Variants in ZNF469 observed in about 807,000 individuals in gnomAD.
The protein encoded by ZNF469 is zinc finger protein 469.
In ZNF469, 1 loss-of-function variant was observed where a neutral mutation model predicts 1.0. The observed-to-expected ratio is 1.00, with a 90% CI of 0.35 to 4.73. The LOEUF is 4.73. ZNF469 is among the 30% of genes most tolerant of loss of function. The pLI is 0.16. For missense variants in ZNF469, 6,100 were observed against 5,356.3 expected (o/e 1.14, Z -4.33); for synonymous variants, 2,703 against 2,363.4 (o/e 1.14, Z -4.17).
chr16:88,355,052 G>C, the ZNF469 span, among the ~76,000 whole-genome samples: 3 of 152,144 alleles, frequency 2.0e-5, no homozygotes, highest in Admixed American at 6.5e-5. Context: ...GTGGGCTCGC[G>C]GCCCTGTCTC....
At chr16:88,386,110 G>A (rs966851395) in intron 1 of ZNF469, among the ~76,000 whole-genome samples, 8 of 152,042 alleles carry the variant, frequency 5.3e-5, no homozygotes, top group African/African-American at 1.2e-4. Flanking sequence ...TCTTCCCAGC[G>A]CCCTCCCCAT....
chr16:88,372,911 A>G, the ZNF469 span, among the ~76,000 whole-genome samples: 1 of 151,624 alleles, frequency 6.6e-6, no homozygotes, highest in Non-Finnish European at 1.5e-5. Context: ...CATTACCAAC[A>G]TCATCATGAT....
the ZNF469 span, among the ~76,000 whole-genome samples, chr16:88,226,940 A>G: frequency 0.63 from 58,637 of 92,706 alleles, 20,007 homozygotes; most frequent in Middle Eastern, 0.84. Flanking sequence ...GGATTCCCAA[A>G]AAATGCCCTG....
the ZNF469 span, among the ~76,000 whole-genome samples, chr16:88,143,239 CT>C: frequency 9.8e-5 from 15 of 152,370 alleles, no homozygotes; most frequent in East Asian, 2.5e-3. Flanking sequence ...CAGTTTCCCC[CT>C]GTGTCAATGG....
chr16:88,429,781 C>G lies in ZNF469; in HGVS notation c.2311C>G (p.Pro771Ala). The G allele has an allele frequency of 6.5e-7, 1 of 1,544,620 alleles. No individual in the cohort carries two copies. Among genetic ancestry groups the G allele is most frequent in the Non-Finnish European group, 8.7e-7 (1 of 1,144,506 alleles). Residue 771 changes from proline to alanine, a missense_variant, in exon 3 of 3, where the codon CCT (proline) becomes GCT (alanine). Coordinates refer to ENST00000565624, the MANE Select transcript of ZNF469 (RefSeq NM_001367624.2). ...TGGCCACCAGCGGTCTCCAGGCCCCCCTGGGCTCCCCTCGCCCCCCGCTGC... is the reference window on the plus strand; with the variant it reads ...TGGCCACCAGCGGTCTCCAGGCCCCGCTGGGCTCCCCTCGCCCCCCGCTGC... The part of the protein sequence containing the change: ...KDGHQRSPGP[P>A]GLPSPPAAPR...
At chr16:88,209,996 T>C in the ZNF469 span, among the ~76,000 whole-genome samples, 1 of 152,238 alleles carries the variant, frequency 6.6e-6, no homozygotes, top group Admixed American at 6.5e-5. Context: ...TACCAATTTG[T>C]ATTCCCACCA....
At chr16:88,406,142 G>C (rs1447930412) in intron 1 of ZNF469, among the ~76,000 whole-genome samples, 2 of 152,244 alleles carry the variant, frequency 1.3e-5, no homozygotes, top group Non-Finnish European at 2.9e-5. Flanking sequence ...CCGACGACCT[G>C]CCCGGCCTCG....
At chr16:88,315,971 G>A in the ZNF469 span, among the ~76,000 whole-genome samples, 4 of 152,170 alleles carry the variant, frequency 2.6e-5, no homozygotes, top group Non-Finnish European at 5.9e-5. Flanking sequence ...CCCCACCCCC[G>A]GCGCCTGCAC....
chr16:88,247,003 ATGAG>A, the ZNF469 span, among the ~76,000 whole-genome samples: 1 of 151,260 alleles, frequency 6.6e-6, no homozygotes, highest in African/African-American at 2.4e-5. Context: ...GAGTGAGTGA[ATGAG>A]TGAATCAATG....
chr16:88,393,123 G>C (rs1904535088), intron 1 of ZNF469, among the ~76,000 whole-genome samples: 2 of 152,274 alleles, frequency 1.3e-5, no homozygotes, highest in Admixed American at 1.3e-4. Flanking sequence ...GCACCACGCG[G>C]CTGGCAGCTG....
chr16:88,289,469 A>G, the ZNF469 span, among the ~76,000 whole-genome samples: 1 of 152,162 alleles, frequency 6.6e-6, no homozygotes, highest in Admixed American at 6.5e-5. Flanking sequence ...AAATAACACA[A>G]TTACACCGAT....
chr16:88,381,122 ACACACAGACATG>A (rs1192845619), upstream of ZNF469, among the ~76,000 whole-genome samples: 1 of 146,048 alleles, frequency 6.8e-6, no homozygotes. Flanking sequence ...GCACACACGC[ACACACAGACATG>A]CACTCACACA....
chr16:88,175,915 A>C, the ZNF469 span, among the ~76,000 whole-genome samples: 2 of 152,246 alleles, frequency 1.3e-5, no homozygotes. Flanking sequence ...GCCCTGATCT[A>C]TATGATGATC....
the ZNF469 span, among the ~76,000 whole-genome samples, chr16:88,196,745 A>C: frequency 1.3e-5 from 2 of 152,202 alleles, no homozygotes; most frequent in Non-Finnish European, 2.9e-5. Context: ...TAGGAAAGTG[A>C]GGCTCAGAGC....
the ZNF469 span, among the ~76,000 whole-genome samples, chr16:88,114,883 G>C: frequency 6.6e-6 from 1 of 152,250 alleles, no homozygotes; most frequent in African/African-American, 2.4e-5. Context: ...TTGGGAGGAA[G>C]TGGGCACTGG....
the ZNF469 span, among the ~76,000 whole-genome samples, chr16:88,105,640 T>G: frequency 2.6e-5 from 4 of 152,272 alleles, 1 homozygote; most frequent in Admixed American, 2.6e-4. Flanking sequence ...GGGGACACAG[T>G]GAACCCAGCA....
the ZNF469 span, among the ~76,000 whole-genome samples, chr16:88,106,382 T>C: frequency 4.3e-4 from 65 of 152,372 alleles, no homozygotes; most frequent in African/African-American, 1.5e-3. Flanking sequence ...ACAGATGAGA[T>C]TGGCTGTCTA....
chr16:88,368,034 G>A, the ZNF469 span, among the ~76,000 whole-genome samples: 2 of 152,230 alleles, frequency 1.3e-5, no homozygotes, highest in African/African-American at 2.4e-5. Flanking sequence ...CACAGGATGA[G>A]AGAGGAAATC....
intron 1 of ZNF469, among the ~76,000 whole-genome samples, chr16:88,385,362 CG>C (rs917544350): frequency 3.9e-5 from 6 of 151,938 alleles, no homozygotes; most frequent in African/African-American, 1.5e-4. Context: ...AGTTACCAGC[CG>C]GGGATGGTGG....
Sources: allele counts gnomAD v4.1 joint callset (sites outside exome capture counted in the v4.1 genomes callset), GRCh38; gene constraint gnomAD v4.1.1; transcripts MANE v1.5; gene names NCBI Gene and HGNC (gene_info 2026-07-23, HGNC 2026-07-21).